The following DPYSL3 variants were observed in gnomAD, a reference collection of about 807,000 sequenced individuals.
DPYSL3 encodes the protein dihydropyrimidinase like 3.
A neutral mutation model predicts 66.1 loss-of-function variants in DPYSL3; 16 were observed. The observed-to-expected ratio is 0.24, with a 90% CI of 0.16 to 0.37. The LOEUF (loss-of-function observed/expected upper bound fraction) is 0.37. Ranked by LOEUF, DPYSL3 falls within the 10% of genes least tolerant of loss-of-function variation. The pLI is 1.00. For synonymous variants in DPYSL3, 338 were observed against 345.1 expected (o/e 0.98, Z 0.23); for missense variants, 738 against 916.2 (o/e 0.81, Z 2.51).
chr5:147,461,583 C>T (rs530887620), intron 1 of DPYSL3, among the ~76,000 whole-genome samples: 9 of 152,292 alleles, frequency 5.9e-5, no homozygotes, highest in East Asian at 3.9e-4. Flanking sequence ...CCCCAGACAA[C>T]GATGCTGCTT....
chr5:147,395,653 G>C lies in DPYSL3; in HGVS notation c.1872C>G (p.Pro624=), dbSNP rs1348023166. 1 of 1,614,082 alleles carries C rather than the reference G, an allele frequency of 6.2e-7. No homozygotes were observed. ...CAGAGCCTGCGGGGGTGCCACCTTT[G>C]GGGGTGGTGGTCAGGTCAAACACAG... ...DGPVFDLTTT[P]KGGTPAGSAR... is the part of the protein sequence containing the mutation. Residue 624 remains proline (P), a synonymous_variant, in exon 13 of 14, where the codon CCC becomes CCG. Transcript: ENST00000343218.
rs554724500 is a variant in DPYSL3 at position 147,503,733 on chromosome 5, A to T, written c.381+5745T>A. ...ATGCACAATCAAGAAAGTTTACAAG[A>T]AGACCATTACTATAGGGACCATTTG... On this transcript the variant is annotated intron_variant, in intron 1 of 13. Coordinates refer to ENST00000343218, the MANE Select transcript of DPYSL3 (RefSeq NM_001197294.2). Among the ~76,000 whole-genome samples the T allele has an allele frequency of 7.2e-5, 11 of 152,338 alleles. No individual in the cohort carries two copies. In the South Asian group the frequency reaches 2.3e-3, roughly 32 times the overall value.
intron 11 of DPYSL3, among the ~76,000 whole-genome samples, chr5:147,398,729 A>G (rs1758072501): frequency 6.6e-6 from 1 of 152,248 alleles, no homozygotes; most frequent in South Asian, 2.1e-4. Context: ...ACTGGCTAAG[A>G]CCAGTGCCAT....
At chr5:147,488,975 A>G (rs925276254) in intron 1 of DPYSL3, among the ~76,000 whole-genome samples, 1 of 151,244 alleles carries the variant, frequency 6.6e-6, no homozygotes, top group African/African-American at 2.4e-5. Context: ...AGATCGCACC[A>G]CTGTACTCCA....
At chr5:147,483,672 G>A (rs142956680) in intron 1 of DPYSL3, among the ~76,000 whole-genome samples, 120 of 152,194 alleles carry the variant, frequency 7.9e-4, no homozygotes, top group African/African-American at 2.6e-3. Flanking sequence ...AGTGGGAAAG[G>A]GGTTAACAAG....
chr5:147,499,487 G>A (rs1033588602), intron 1 of DPYSL3, among the ~76,000 whole-genome samples: 16 of 152,012 alleles, frequency 1.1e-4, no homozygotes, highest in African/African-American at 3.9e-4. Flanking sequence ...TGCAACTTAG[G>A]TATAAATCTA....
intron 8 of DPYSL3, among the ~76,000 whole-genome samples, chr5:147,402,660 T>C (rs565012092): frequency 6.6e-6 from 1 of 152,234 alleles, no homozygotes; most frequent in East Asian, 1.9e-4. Context: ...GACTTTTTTT[T>C]TTATCATGTT....
At chr5:147,501,679 A>G (rs1753614978) in intron 1 of DPYSL3, among the ~76,000 whole-genome samples, 2 of 151,970 alleles carry the variant, frequency 1.3e-5, no homozygotes, top group South Asian at 4.2e-4. Context: ...AGGTTTTGCC[A>G]TGTTGGACAG....
intron 1 of DPYSL3, among the ~76,000 whole-genome samples, chr5:147,502,932 C>T (rs1314259169): frequency 3.9e-5 from 6 of 152,216 alleles, no homozygotes; most frequent in African/African-American, 1.2e-4. Flanking sequence ...TAAAGGGAGA[C>T]GTGGGGACTC....
chr5:147,426,000 A>ACCATCCATCCATCCAT, intron 1 of DPYSL3, among the ~76,000 whole-genome samples: 1 of 150,136 alleles, frequency 6.7e-6, no homozygotes, highest in African/African-American at 2.4e-5. Context: ...TTCAACTCCA[A>ACCATCCATCCATCCAT]CCATCCATCC....
intron 1 of DPYSL3, among the ~76,000 whole-genome samples, chr5:147,478,476 T>C (rs2126432250): frequency 6.6e-6 from 1 of 152,140 alleles, no homozygotes; most frequent in South Asian, 2.1e-4. Flanking sequence ...GCCAAGAGAG[T>C]CCAAGATGCC....
chr5:147,475,252 C>G (rs1265891413), intron 1 of DPYSL3, among the ~76,000 whole-genome samples: 1 of 152,072 alleles, frequency 6.6e-6, no homozygotes, highest in African/African-American at 2.4e-5. Context: ...ACCTACCTAA[C>G]AGTATTGTAC....
At chr5:147,407,763 A>G (rs1348919497) in intron 7 of DPYSL3, among the ~76,000 whole-genome samples, 1 of 152,138 alleles carries the variant, frequency 6.6e-6, no homozygotes, top group Non-Finnish European at 1.5e-5. Flanking sequence ...TGGAACCCTA[A>G]TCACAAAATT....
At chr5:147,493,620 A>G (rs1753453530) in intron 1 of DPYSL3, among the ~76,000 whole-genome samples, 1 of 152,122 alleles carries the variant, frequency 6.6e-6, no homozygotes, top group African/African-American at 2.4e-5. Context: ...GAAAGAAGGA[A>G]AAATGGACAG....
chr5:147,458,002 G>C (rs977788020), intron 1 of DPYSL3, among the ~76,000 whole-genome samples: 1 of 152,172 alleles, frequency 6.6e-6, no homozygotes, highest in South Asian at 2.1e-4. Context: ...GAGGGAGGAG[G>C]AGTTCATATG....
At chr5:147,475,350 T>G (rs1753141523) in intron 1 of DPYSL3, among the ~76,000 whole-genome samples, 1 of 152,156 alleles carries the variant, frequency 6.6e-6, no homozygotes, top group South Asian at 2.1e-4. Context: ...TCAAGGGATC[T>G]CTGAACTATT....
At chr5:147,473,502 T>C (rs2126425986) in intron 1 of DPYSL3, among the ~76,000 whole-genome samples, 1 of 152,288 alleles carries the variant, frequency 6.6e-6, no homozygotes, top group Non-Finnish European at 1.5e-5. Context: ...AGAAAGAATA[T>C]AAAGATTAAT....
chr5:147,394,176 G>A, intron 13 of DPYSL3, 53 bp from the exon 14 acceptor site: 2 of 1,571,564 alleles, frequency 1.3e-6, no homozygotes, highest in Non-Finnish European at 8.7e-7. Flanking sequence ...GTGGCGGGTA[G>A]GGGGATGTGG....
intron 1 of DPYSL3, chr5:147,472,563 C>A (rs1004288804): frequency 6.6e-6 from 1 of 152,152 alleles, no homozygotes; most frequent in African/African-American, 2.4e-5. Context: ...TATATGAACA[C>A]CAGGTCTGAG....
Sources: gnomAD v4.1 joint callset for allele counts (sites outside exome capture counted in the v4.1 genomes callset) on GRCh38, gnomAD v4.1.1 for gene constraint, MANE v1.5 for transcripts, NCBI Gene and HGNC (gene_info 2026-07-23, HGNC 2026-07-21) for gene names.